DENND6A: variants seen among roughly 807,000 people sequenced by gnomAD.
The protein encoded by DENND6A is DENN domain containing 6A.
Under a neutral mutation model 95.5 loss-of-function variants are expected in DENND6A, and 43 were observed. That is an observed-to-expected ratio of 0.45 (90% CI 0.35 to 0.58). The LOEUF is 0.58. Ranked by LOEUF, DENND6A falls within the 20% of genes least tolerant of loss-of-function variation. The pLI is 0.00. For synonymous variants in DENND6A, 257 were observed against 260.4 expected (o/e 0.99, Z 0.13); for missense variants, 574 against 736.0 (o/e 0.78, Z 2.55).
At chr3:57,677,935 A>G (rs887270750) in intron 1 of DENND6A, among the ~76,000 whole-genome samples, 7 of 152,206 alleles carry the variant, frequency 4.6e-5, no homozygotes, top group African/African-American at 1.7e-4. Context: ...GGTAAGGGTT[A>G]GTTATATCCC....
chr3:57,637,007 C>G (rs1238145557), intron 12 of DENND6A, among the ~76,000 whole-genome samples: 6 of 146,248 alleles, frequency 4.1e-5, no homozygotes, highest in Non-Finnish European at 9.0e-5. Flanking sequence ...AAGTTAAATA[C>G]AGAAGCATGA....
At chr3:57,674,743 G>C (rs2071681249) in intron 1 of DENND6A, among the ~76,000 whole-genome samples, 1 of 152,102 alleles carries the variant, frequency 6.6e-6, no homozygotes, top group Non-Finnish European at 1.5e-5. Context: ...ATGAGAGACT[G>C]GATAAAGAAA....
intron 9 of DENND6A, among the ~76,000 whole-genome samples, chr3:57,646,985 G>C (rs1169790759): frequency 6.6e-6 from 1 of 152,134 alleles, no homozygotes; most frequent in African/African-American, 2.4e-5. Context: ...CCCTGGAATT[G>C]GGTGGAGGCC....
At chr3:57,678,239 A>G (rs747607922) in intron 1 of DENND6A, among the ~76,000 whole-genome samples, 12 of 152,224 alleles carry the variant, frequency 7.9e-5, no homozygotes, top group Non-Finnish European at 1.3e-4. Context: ...TTCAACAAAG[A>G]TATCTCTACA....
intron 1 of DENND6A, among the ~76,000 whole-genome samples, chr3:57,687,929 CA>C (rs55695630): frequency 1.7e-4 from 23 of 135,866 alleles, no homozygotes; most frequent in African/African-American, 1.9e-4. Flanking sequence ...AAGACCACCT[CA>C]AAAAAAAAAA....
Position 57,633,281 on chromosome 3 carries a change from CTT to C in DENND6A, c.1335_1336del (p.Ser446PhefsTer41). 1 of 1,613,472 alleles carries C rather than the reference CTT, an allele frequency of 6.2e-7. No homozygotes were observed. The highest frequency in any genetic ancestry group is 1.1e-5 in the South Asian group (1 of 91,000). ...TTAACTTACTAATGGAATGATGAAA[CTT>C]TGTGTCAGTTCCAAAAAATAGCGTC... On this transcript the variant is annotated frameshift_variant, in exon 15 of 20. Coordinates refer to ENST00000311128, the MANE Select transcript of DENND6A (RefSeq NM_152678.3). LOFTEE classifies it high-confidence loss of function.
intron 9 of DENND6A, 166 bp downstream of exon 9, chr3:57,657,514 G>A (rs943483156): frequency 2.3e-6 from 1 of 431,656 alleles, no homozygotes; most frequent in Non-Finnish European, 4.2e-6. Context: ...AATTGTCAAA[G>A]CTTATAACAT....
chr3:57,663,426 T>C (rs2071464599), intron 5 of DENND6A, among the ~76,000 whole-genome samples: 1 of 122,494 alleles, frequency 8.2e-6, no homozygotes, highest in African/African-American at 3.0e-5. Context: ...ATCGTGCCTC[T>C]GCACTCCAGC....
At chr3:57,656,795 A>G (rs1453941357) in intron 9 of DENND6A, among the ~76,000 whole-genome samples, 3 of 152,072 alleles carry the variant, frequency 2.0e-5, no homozygotes, top group South Asian at 2.1e-4. Flanking sequence ...CATCTCTACT[A>G]AAAATACAAA....
At chr3:57,663,601 A>G in intron 5 of DENND6A, 35 bp downstream of exon 5, 1 of 1,462,264 alleles carries the variant, frequency 6.8e-7, no homozygotes, top group Non-Finnish European at 9.3e-7. Flanking sequence ...CACAAAATAA[A>G]AAATACTTTT....
intron 1 of DENND6A, among the ~76,000 whole-genome samples, chr3:57,673,099 A>C (rs149780972): frequency 0.024 from 3,632 of 150,690 alleles, 68 homozygotes; most frequent in Non-Finnish European, 0.035. Context: ...TTGTAATCCC[A>C]GCTACTCGGG....
At chr3:57,654,614 C>A in intron 9 of DENND6A, 1 of 982,324 alleles carries the variant, frequency 1.0e-6, no homozygotes, top group Non-Finnish European at 1.2e-6. Context: ...ATGTCTATTT[C>A]TTTCAACAGA....
chr3:57,631,950 C>T (rs2070689426), intron 15 of DENND6A, among the ~76,000 whole-genome samples: 1 of 148,160 alleles, frequency 6.7e-6, no homozygotes, highest in African/African-American at 2.5e-5. Context: ...TCTTGATCTC[C>T]TGACCTCGTG....
In DENND6A at chr3:57,628,326, T is replaced by G; in HGVS notation, c.1715A>C (p.His572Pro). Residue 572 changes from histidine (H) to proline (P), a missense_variant, in exon 20 of 20, where the codon CAC becomes CCC. This residue lies in a region of DENND6A where 452 missense variants were observed against 630.9 expected (regional missense o/e 0.72). Transcript: ENST00000311128. ...KNKLLQADRE[H>P]LPVKPDTMEK... is the part of the protein sequence containing the mutation. ...CATAGTGTCAGGTTTCACAGGTAAG[T>G]GCTCTCGATCAGCCTGCAACTACAT... 6.2e-7 allele frequency: 1 copy of G among 1,614,156 alleles called. No homozygotes were observed. Among genetic ancestry groups the G allele is most frequent in the South Asian group, 1.1e-5 (1 of 91,060 alleles).
chr3:57,691,899 G>A, intron 1 of DENND6A, among the ~76,000 whole-genome samples: 1 of 151,060 alleles, frequency 6.6e-6, no homozygotes, highest in South Asian at 2.1e-4. Flanking sequence ...CTTGACAGTA[G>A]TTTCACACCA....
At chr3:57,632,021 C>CT (rs771800755) in intron 15 of DENND6A, among the ~76,000 whole-genome samples, 19,294 of 95,904 alleles carry the variant, frequency 0.2, 2,335 homozygotes, top group East Asian at 0.48. Flanking sequence ...CGCGCCCGGC[C>CT]TTTTTTTTTT....
intron 1 of DENND6A, among the ~76,000 whole-genome samples, chr3:57,677,044 G>A (rs557850618): frequency 6.6e-6 from 1 of 152,094 alleles, no homozygotes; most frequent in Non-Finnish European, 1.5e-5. Flanking sequence ...GGCTGGTCTT[G>A]AGTGCCTGAC....
At chr3:57,632,895 A>G (rs2070717209) in intron 15 of DENND6A, among the ~76,000 whole-genome samples, 1 of 152,256 alleles carries the variant, frequency 6.6e-6, no homozygotes, top group Non-Finnish European at 1.5e-5. Flanking sequence ...TATTCAAGAT[A>G]AGTATCAGAA....
intron 1 of DENND6A, among the ~76,000 whole-genome samples, chr3:57,675,160 A>C (rs1006349218): frequency 3.3e-5 from 5 of 152,210 alleles, no homozygotes; most frequent in African/African-American, 1.2e-4. Flanking sequence ...AAAAAGCAAA[A>C]CAAAAAGAAA....
Sources: gnomAD v4.1 joint callset for allele counts (sites outside exome capture counted in the v4.1 genomes callset) on GRCh38, gnomAD v4.1.1 for gene constraint, gnomAD v4.1.1 regional missense constraint, MANE v1.5 for transcripts, NCBI Gene and HGNC (gene_info 2026-07-23, HGNC 2026-07-21) for gene names.